PLEKHM3: variants seen among roughly 807,000 people sequenced by gnomAD.
The protein encoded by PLEKHM3 is pleckstrin homology domain containing M3.
In PLEKHM3, 45 loss-of-function variants were observed where a neutral mutation model predicts 81.8. The ratio of observed to expected loss-of-function variants is 0.55; its 90% CI spans 0.43 to 0.71. PLEKHM3 has a LOEUF of 0.71. Among genes scored for constraint, PLEKHM3 ranks in the 30% least tolerant of loss-of-function variants. The pLI, the probability that PLEKHM3 is intolerant of heterozygous loss-of-function variation, is 0.00. For missense variants in PLEKHM3, 788 were observed against 924.3 expected, an observed-to-expected ratio of 0.85 and a Z score of 1.91; for synonymous variants, 352 against 356.4, an observed-to-expected ratio of 0.99 and a Z score of 0.14.
Position 208,001,843 on chromosome 2 carries a change from C to A in PLEKHM3, c.-204G>T. ...AAAGCATTTGCTAGTGGCTAATGGG[C>A]ATTAACAGATGTATAGGGAGACCAA... On this transcript the variant is annotated 5_prime_UTR_variant, in exon 2 of 8. The change abolishes an upstream ATG in the 5' untranslated region. Transcript: ENST00000427836. The A allele has an allele frequency of 1.4e-6, 1 of 720,348 alleles. No individual in the cohort carries two copies. The highest frequency in any genetic ancestry group is 2.2e-6 in the Non-Finnish European group (1 of 452,236). 44.6% of individuals were successfully genotyped at this position (720,348 alleles called of 1,614,324 possible).
chr2:208,007,356 G>T (rs1692527968), intron 1 of PLEKHM3, among the ~76,000 whole-genome samples: 1 of 152,174 alleles, frequency 6.6e-6, no homozygotes, highest in African/African-American at 2.4e-5. Context: ...TCTGCCCCTA[G>T]TAAAATGGCC....
intron 6 of PLEKHM3, among the ~76,000 whole-genome samples, chr2:207,865,707 G>C (rs1370644744): frequency 7.0e-6 from 1 of 143,856 alleles, no homozygotes; most frequent in Non-Finnish European, 1.5e-5. Context: ...TTGAACCCAG[G>C]AGGCAGAGGT....
chr2:207,924,895 G>C (rs1454278199), intron 5 of PLEKHM3, among the ~76,000 whole-genome samples: 1 of 152,068 alleles, frequency 6.6e-6, no homozygotes, highest in Non-Finnish European at 1.5e-5. Flanking sequence ...AGAAGGGGGA[G>C]ACTCGGACAG....
At chr2:207,902,938 A>C (rs1688487287) in intron 6 of PLEKHM3, among the ~76,000 whole-genome samples, 1 of 151,424 alleles carries the variant, frequency 6.6e-6, no homozygotes, top group Admixed American at 6.6e-5. Flanking sequence ...TTTAGTATAA[A>C]ACAAACGGTT....
At chr2:207,918,394 C>T (rs918211938) in intron 5 of PLEKHM3, among the ~76,000 whole-genome samples, 5 of 151,976 alleles carry the variant, frequency 3.3e-5, no homozygotes, top group East Asian at 1.9e-4. Flanking sequence ...TGGTGGTGGG[C>T]GCCTGTAGTC....
At chr2:207,852,701 G>T in intron 7 of PLEKHM3, 1 of 403,428 alleles carries the variant, frequency 2.5e-6, no homozygotes, top group South Asian at 1.8e-5. Flanking sequence ...CAAAAGAGGG[G>T]AGGGAGGCAG....
At chr2:207,846,286 C>T (rs1353118504) in intron 7 of PLEKHM3, among the ~76,000 whole-genome samples, 1 of 151,928 alleles carries the variant, frequency 6.6e-6, no homozygotes, top group Admixed American at 6.6e-5. Context: ...GGATTACAGG[C>T]GCCCGCCACC....
At chr2:207,923,901 A>ATTTT (rs1422796438) in intron 5 of PLEKHM3, among the ~76,000 whole-genome samples, 59 of 72,536 alleles carry the variant, frequency 8.1e-4, no homozygotes, top group African/African-American at 1.1e-3. Flanking sequence ...ATATATATAT[A>ATTTT]TATATTTTTT....
intron 7 of PLEKHM3, among the ~76,000 whole-genome samples, chr2:207,844,661 G>A (rs1189057749): frequency 2.0e-5 from 3 of 152,116 alleles, no homozygotes; most frequent in Admixed American, 6.6e-5. Flanking sequence ...CTCATCAAAA[G>A]GCTACAAAAT....
At chr2:207,835,069 T>G (rs914298075) in intron 7 of PLEKHM3, among the ~76,000 whole-genome samples, 2 of 151,900 alleles carry the variant, frequency 1.3e-5, no homozygotes, top group Non-Finnish European at 2.9e-5. Flanking sequence ...GCCTCCGAAG[T>G]AGCTGGGATT....
At chr2:207,858,174 G>GTGTATATATATATA (rs373920637) in intron 7 of PLEKHM3, among the ~76,000 whole-genome samples, 8 of 123,260 alleles carry the variant, frequency 6.5e-5, no homozygotes, top group African/African-American at 2.8e-4. Flanking sequence ...GTGTGTGTGT[G>GTGTATATATATATA]TATATATTTT....
At chr2:207,903,870 C>G (rs1688521374) in intron 6 of PLEKHM3, among the ~76,000 whole-genome samples, 1 of 152,238 alleles carries the variant, frequency 6.6e-6, no homozygotes, top group African/African-American at 2.4e-5. Context: ...CGGTACAAGT[C>G]TTGCCATCTC....
At chr2:208,004,515 A>C (rs752959638) in intron 1 of PLEKHM3, among the ~76,000 whole-genome samples, 1 of 152,192 alleles carries the variant, frequency 6.6e-6, no homozygotes, top group African/African-American at 2.4e-5. Context: ...TTAGACAAGG[A>C]AATTGGCCTT....
intron 2 of PLEKHM3, among the ~76,000 whole-genome samples, chr2:207,980,922 T>C (rs1447807681): frequency 1.3e-5 from 2 of 151,492 alleles, no homozygotes; most frequent in Non-Finnish European, 2.9e-5. Flanking sequence ...TGAGGTCGAG[T>C]TTGAGACCAG....
intron 1 of PLEKHM3, among the ~76,000 whole-genome samples, chr2:208,005,826 C>T (rs1445641794): frequency 1.3e-5 from 2 of 152,338 alleles, no homozygotes; most frequent in African/African-American, 2.4e-5. Context: ...CACGCATGTG[C>T]ATGCGTTGAA....
At chr2:207,872,206 G>A (rs1192149215) in intron 6 of PLEKHM3, among the ~76,000 whole-genome samples, 4 of 152,092 alleles carry the variant, frequency 2.6e-5, no homozygotes, top group Non-Finnish European at 5.9e-5. Flanking sequence ...TTCAGCTCAG[G>A]AATTCTGAGG....
chr2:207,876,703 G>A (rs1016094247), intron 6 of PLEKHM3, among the ~76,000 whole-genome samples: 1 of 152,168 alleles, frequency 6.6e-6, no homozygotes, highest in African/African-American at 2.4e-5. Context: ...ATACTTGACT[G>A]GGACTTAAGT....
chr2:207,861,057 G>T, intron 7 of PLEKHM3, 48 bp downstream of exon 7: 1 of 1,591,514 alleles, frequency 6.3e-7, no homozygotes, highest in South Asian at 1.1e-5. Flanking sequence ...AAAGAAAATG[G>T]CATATTACAC....
chr2:207,928,806 G>A (rs925196648), intron 5 of PLEKHM3, among the ~76,000 whole-genome samples: 1 of 152,266 alleles, frequency 6.6e-6, no homozygotes, highest in South Asian at 2.1e-4. Context: ...GTAAAAAGGA[G>A]AGGAAAGATT....
Sources: allele counts gnomAD v4.1 joint callset (sites outside exome capture counted in the v4.1 genomes callset), GRCh38; gene constraint gnomAD v4.1.1; transcripts MANE v1.5; gene names NCBI Gene and HGNC (gene_info 2026-07-23, HGNC 2026-07-21).